Variants in HLF observed in about 807,000 individuals in gnomAD.
The protein encoded by HLF is HLF transcription factor, PAR bZIP family member.
In HLF, 3 loss-of-function variants were observed where a neutral mutation model predicts 22.6. The ratio of observed to expected loss-of-function variants is 0.13; its 90% CI spans 0.06 to 0.34. HLF has a LOEUF of 0.34. Ranked by LOEUF, HLF falls within the 10% of genes least tolerant of loss-of-function variation. The pLI is 1.00. For missense variants in HLF, 299 were observed against 389.2 expected (o/e 0.77, Z 1.95); for synonymous variants, 151 against 151.8 (o/e 0.99, Z 0.04).
At chr17:55,299,717 A>C (rs181563204) in intron 2 of HLF, among the ~76,000 whole-genome samples, 55 of 151,210 alleles carry the variant, frequency 3.6e-4, no homozygotes, top group Admixed American at 2.2e-3. Flanking sequence ...TAGGACTACA[A>C]GCACGTGCCA....
At chr17:55,305,384 G>A (rs115534497) in intron 2 of HLF, among the ~76,000 whole-genome samples, 1 of 152,210 alleles carries the variant, frequency 6.6e-6, no homozygotes, top group Non-Finnish European at 1.5e-5. Context: ...ATGCCTGGCT[G>A]CCTGGAGCTT....
rs745382652 is a variant in HLF at position 55,321,953 on chromosome 17, G to A, written c.*1074G>A. On this transcript the variant is annotated 3_prime_UTR_variant, in exon 4 of 4. Coordinates refer to ENST00000226067, the MANE Select transcript of HLF (RefSeq NM_002126.5). The stretch of plus-strand genomic sequence containing the variant: ...ATTCAAAACAGTTACTTAAGATTCA[G>A]TTTTCCCACTTTTTGGTAATATATA... 2.6e-5 allele frequency: 6 copies of A among 227,434 alleles called. No individual in the cohort carries two copies. The highest frequency in any genetic ancestry group is 4.4e-5 in the Non-Finnish European group (5 of 114,200). 14.1% of individuals were successfully genotyped at this position (227,434 alleles called of 1,614,324 possible). A position where few individuals can be genotyped will look rare whatever the true frequency, so the allele number is the denominator to read the frequency against.
chr17:55,292,637 T>C (rs1398566219), intron 2 of HLF, among the ~76,000 whole-genome samples: 2 of 152,224 alleles, frequency 1.3e-5, no homozygotes, highest in African/African-American at 2.4e-5. Flanking sequence ...CTGTGAGGTA[T>C]GCCTTTATAT....
intron 1 of HLF, chr17:55,266,229 C>CGGT (rs1423593650): frequency 6.6e-6 from 1 of 152,280 alleles, no homozygotes; most frequent in Non-Finnish European, 1.5e-5. Flanking sequence ...GACACTTTCC[C>CGGT]GGTGCACTTT....
At chr17:55,269,401 G>T (rs2087314608) in intron 2 of HLF, among the ~76,000 whole-genome samples, 2 of 152,120 alleles carry the variant, frequency 1.3e-5, no homozygotes, top group Non-Finnish European at 2.9e-5. Flanking sequence ...AGAATGTGCG[G>T]TACCACTATC....
At chr17:55,298,102 C>G (rs369825041) in intron 2 of HLF, among the ~76,000 whole-genome samples, 16 of 152,116 alleles carry the variant, frequency 1.1e-4, no homozygotes, top group African/African-American at 3.6e-4. Context: ...TACTCCCACC[C>G]AGCATTTGCC....
rs187184310 is a variant in HLF, at chr17:55,278,752, C to T, written c.451+10666C>T. Among the ~76,000 whole-genome samples the T allele has an allele frequency of 2.1e-3, 327 of 152,262 alleles. 3 individuals are homozygous for T. The highest frequency in any genetic ancestry group is 2.3e-3 in the East Asian group (12 of 5,186). ...AGGATTGAGCAGAAGACTGAATTCACCTTAGTCATTATGATGTGGGCTGAG... is the reference window on the plus strand; with the variant it reads ...AGGATTGAGCAGAAGACTGAATTCATCTTAGTCATTATGATGTGGGCTGAG... On this transcript the variant is annotated intron_variant, in intron 2 of 3. Transcript: ENST00000226067.
rs2080776490 is a variant in HLF at position 55,265,254 on chromosome 17, C to T, written c.-231C>T. ...CGCCGGGGAGCCCGCGGGCACTTGG[C>T]GCGCTCTCCTGGGACCGTCTGCACT... is the stretch of plus-strand genomic sequence containing the variant. On this transcript the variant is annotated 5_prime_UTR_variant, in exon 1 of 4. Coordinates refer to ENST00000226067, the MANE Select transcript of HLF (RefSeq NM_002126.5). 5.2e-6 allele frequency: 2 copies of T among 386,394 alleles called. 1 individual carries two copies. Among genetic ancestry groups the T allele is most frequent in the African/African-American group, 4.2e-5 (2 of 47,872 alleles). The allele number at this position is 386,394 out of a possible 1,614,324, so 23.9% of individuals were successfully genotyped here.
At chr17:55,307,610 G>T (rs184533237) in intron 2 of HLF, among the ~76,000 whole-genome samples, 2 of 152,214 alleles carry the variant, frequency 1.3e-5, no homozygotes, top group Non-Finnish European at 2.9e-5. Flanking sequence ...ATTAAAATTT[G>T]CCCCTGTTCC....
chr17:55,265,454 T>C lies in HLF; in HGVS notation c.-31T>C. 1 of 1,325,990 alleles carries C rather than the reference T, an allele frequency of 7.5e-7. No homozygotes were observed. The highest frequency in any genetic ancestry group is 1.1e-6 in the Non-Finnish European group (1 of 925,886). 82.1% of individuals were successfully genotyped at this position (1,325,990 alleles called of 1,614,324 possible). On this transcript the variant is annotated 5_prime_UTR_variant, in exon 1 of 4. Transcript: ENST00000226067. ...GCGGTTGTTTCTTTCTTATTTCTTT[T>C]TTTAAGGGGAAAAAATTTGAGTGCA...
At chr17:55,268,149 T>A in intron 2 of HLF, 63 bp downstream of exon 2, 1 of 1,206,458 alleles carries the variant, frequency 8.3e-7, no homozygotes, top group Non-Finnish European at 1.2e-6. Flanking sequence ...ACAGGCAAGG[T>A]AGAGTTAGCA....
chr17:55,293,356 A>G (rs2081083557), intron 2 of HLF, among the ~76,000 whole-genome samples: 1 of 152,210 alleles, frequency 6.6e-6, no homozygotes, highest in Non-Finnish European at 1.5e-5. Context: ...GCCGATCGCC[A>G]CTGTGCTCTG....
chr17:55,286,767 G>A (rs1400486345), intron 2 of HLF, among the ~76,000 whole-genome samples: 3 of 152,152 alleles, frequency 2.0e-5, no homozygotes, highest in Non-Finnish European at 2.9e-5. Flanking sequence ...GCTTTGGAAT[G>A]TTACTTTTGC....
intron 2 of HLF, among the ~76,000 whole-genome samples, chr17:55,313,909 A>G (rs1376050431): frequency 2.6e-5 from 4 of 152,192 alleles, no homozygotes; most frequent in Admixed American, 2.6e-4. Context: ...AGGCCTTTCC[A>G]GAAGACAGAT....
chr17:55,324,843 A>T lies in HLF; in HGVS notation c.*3964A>T, dbSNP rs560406319. On this transcript the variant is annotated 3_prime_UTR_variant, in exon 4 of 4. Transcript: ENST00000226067. ...TGTGTGTGTGTGTATGTGTGTGAATAAGTCGACATAAAGTCTTTAATTTTG... is the reference window on the plus strand; with the variant it reads ...TGTGTGTGTGTGTATGTGTGTGAATTAGTCGACATAAAGTCTTTAATTTTG... The T allele has an allele frequency of 4.3e-6, 1 of 233,126 alleles. No homozygotes were observed. Among genetic ancestry groups the T allele is most frequent in the South Asian group, 1.8e-4 (1 of 5,520 alleles). 14.4% of individuals were successfully genotyped at this position (233,126 alleles called of 1,614,324 possible).
chr17:55,301,540 C>T (rs538749020), intron 2 of HLF, among the ~76,000 whole-genome samples: 2 of 152,252 alleles, frequency 1.3e-5, no homozygotes, highest in East Asian at 1.9e-4. Context: ...AGTCAGGAGT[C>T]GGAGGGCTTG....
chr17:55,306,300 T>C (rs1446539273), intron 2 of HLF, among the ~76,000 whole-genome samples: 2 of 152,206 alleles, frequency 1.3e-5, no homozygotes, highest in African/African-American at 2.4e-5. Context: ...TGCATTCACC[T>C]TCTCAGTAAA....
intron 2 of HLF, among the ~76,000 whole-genome samples, chr17:55,292,124 A>G (rs1260322522): frequency 6.6e-6 from 1 of 152,210 alleles, no homozygotes; most frequent in East Asian, 1.9e-4. Flanking sequence ...AATGCCAGCA[A>G]AGGATTTAGA....
intron 2 of HLF, among the ~76,000 whole-genome samples, chr17:55,303,914 T>G (rs1904417754): frequency 6.6e-6 from 1 of 152,160 alleles, no homozygotes; most frequent in South Asian, 2.1e-4. Flanking sequence ...GTAGAGGGAG[T>G]TTTAGTGTTT....
Sources: gnomAD v4.1 joint callset for allele counts (sites outside exome capture counted in the v4.1 genomes callset) on GRCh38, gnomAD v4.1.1 for gene constraint, MANE v1.5 for transcripts, NCBI Gene and HGNC (gene_info 2026-07-23, HGNC 2026-07-21) for gene names.